Variants in GABRB3 observed in about 807,000 individuals in gnomAD.
The protein encoded by GABRB3 is gamma-aminobutyric acid receptor subunit beta-3.
GABRB3 carries 14 observed loss-of-function variants against 52.1 expected under a neutral mutation model. The ratio of observed to expected loss-of-function variants is 0.27; its 90% CI spans 0.18 to 0.42. The LOEUF is 0.42. Ranked by LOEUF, GABRB3 falls within the 10% of genes least tolerant of loss-of-function variation. GABRB3 has a pLI of 1.00. For synonymous variants in GABRB3, 260 were observed against 232.3 expected, an observed-to-expected ratio of 1.12 and a Z score of -1.08; for missense variants, 307 against 609.1, an observed-to-expected ratio of 0.50 and a Z score of 5.22.
chr15:26,750,472 A>G (rs1452218715), intron 3 of GABRB3, among the ~76,000 whole-genome samples: 1 of 152,192 alleles, frequency 6.6e-6, no homozygotes, highest in African/African-American at 2.4e-5. Flanking sequence ...GAAAGCATAA[A>G]TTATGCTTTA....
intron 3 of GABRB3, among the ~76,000 whole-genome samples, chr15:26,711,580 G>A (rs773285652): frequency 6.6e-6 from 1 of 151,902 alleles, no homozygotes; most frequent in Admixed American, 6.6e-5. Flanking sequence ...TACCTCCCCC[G>A]CCCCAGGCTC....
chr15:26,772,391 C>G lies in GABRB3; in HGVS notation c.240+11G>C. The G allele has an allele frequency of 3.1e-6, 5 of 1,605,034 alleles. No individual in the cohort carries two copies. Among genetic ancestry groups the G allele is most frequent in the Non-Finnish European group, 4.3e-6 (5 of 1,175,594 alleles). On this transcript the variant is annotated intron_variant, in intron 3 of 8. Coordinates refer to ENST00000311550, the MANE Select transcript of GABRB3 (RefSeq NM_000814.6). ...GGGCTCAGGGACCGCCCTGGGAGGGCGGGCACTCACCATGTTGACTTCGGA... is the reference window on the plus strand; with the variant it reads ...GGGCTCAGGGACCGCCCTGGGAGGGGGGGCACTCACCATGTTGACTTCGGA...
chr15:26,695,168 C>G (rs1888698890), intron 3 of GABRB3, among the ~76,000 whole-genome samples: 1 of 151,970 alleles, frequency 6.6e-6, no homozygotes, highest in South Asian at 2.1e-4. Context: ...AAATTAATGA[C>G]AGACTAAATA....
chr15:26,740,196 G>A (rs1035488337), intron 3 of GABRB3, among the ~76,000 whole-genome samples: 4 of 152,110 alleles, frequency 2.6e-5, no homozygotes, highest in African/African-American at 4.8e-5. Flanking sequence ...GCAGGTAGGG[G>A]AGCTAGGCTG....
chr15:26,677,826 T>C (rs1249902892), intron 3 of GABRB3, among the ~76,000 whole-genome samples: 1 of 152,176 alleles, frequency 6.6e-6, no homozygotes, highest in Non-Finnish European at 1.5e-5. Context: ...CCATAAGAAT[T>C]TGTAAATCAG....
In GABRB3 at chr15:26,545,689, G is replaced by A. The variant is rs992988226; in HGVS notation, c.*2104C>T. On this transcript the variant is annotated 3_prime_UTR_variant, in exon 9 of 9. Coordinates refer to ENST00000311550, the MANE Select transcript of GABRB3 (RefSeq NM_000814.6). ...TTCTTTAACATGATAATAATGATAA[G>A]GCCACTTAACAAGGTTTTTCCCAAT... 6.6e-6 allele frequency: 1 copy of A among 152,314 alleles called. No individual in the cohort carries two copies. Among genetic ancestry groups the A allele is most frequent in the Non-Finnish European group, 1.5e-5 (1 of 68,018 alleles). The allele number at this position is 152,314 out of a possible 1,614,324, so 9.4% of individuals were successfully genotyped here. A position where few individuals can be genotyped will look rare whatever the true frequency, so the allele number is the denominator to read the frequency against.
At chr15:26,674,436 G>A (rs1442791713) in intron 3 of GABRB3, among the ~76,000 whole-genome samples, 5 of 112,670 alleles carry the variant, frequency 4.4e-5, no homozygotes, top group South Asian at 3.1e-4. Flanking sequence ...AGAAAAGAAA[G>A]GAAAGGAAAG....
chr15:26,585,776 C>A (rs568743688), intron 4 of GABRB3, among the ~76,000 whole-genome samples: 5 of 152,282 alleles, frequency 3.3e-5, no homozygotes, highest in South Asian at 4.1e-4. Flanking sequence ...ACACATAGCT[C>A]TTTGGCATAT....
intron 3 of GABRB3, among the ~76,000 whole-genome samples, chr15:26,726,372 A>G (rs1259594599): frequency 6.6e-6 from 1 of 152,234 alleles, no homozygotes; most frequent in African/African-American, 2.4e-5. Flanking sequence ...CAAAACCAGG[A>G]CATCAACAAT....
rs1239739749 is a variant in GABRB3, at chr15:26,554,033, ATATTTATT to A, written c.1081-5907_1081-5900del. Among the ~76,000 whole-genome samples, 10 of 75,842 alleles carry A rather than the reference ATATTTATT, an allele frequency of 1.3e-4. 3 individuals are homozygous for A. Among genetic ancestry groups the A allele is most frequent in the African/African-American group, 4.2e-4 (7 of 16,512 alleles). The allele number at this position is 75,842 out of a possible 152,430, so 49.8% of individuals were successfully genotyped here. Reference sequence around the variant, plus strand: ...GACACCTGACTATTTATATATATATATATTTATTTATTTATATTTATTTATATATAAAG... The same window carrying A: ...GACACCTGACTATTTATATATATATATATTTATATTTATTTATATATAAAG... On this transcript the variant is annotated intron_variant, in intron 8 of 8. Coordinates refer to ENST00000311550, the MANE Select transcript of GABRB3 (RefSeq NM_000814.6).
intron 3 of GABRB3, among the ~76,000 whole-genome samples, chr15:26,729,169 C>T (rs1176222818): frequency 3.3e-5 from 5 of 151,978 alleles, no homozygotes; most frequent in African/African-American, 1.2e-4. Flanking sequence ...GGGCAAGGGG[C>T]CGGGGGCCTC....
intron 3 of GABRB3, among the ~76,000 whole-genome samples, chr15:26,768,564 T>C (rs1383017375): frequency 6.6e-6 from 1 of 152,000 alleles, no homozygotes; most frequent in East Asian, 1.9e-4. Flanking sequence ...TCAACACATT[T>C]ATTGTTCCCT....
chr15:26,717,154 C>T lies in GABRB3; in HGVS notation c.240+55248G>A, dbSNP rs571647640. Among the ~76,000 whole-genome samples, 501 of 149,106 alleles carry T rather than the reference C, an allele frequency of 3.4e-3. 13 individuals carry two copies. The highest frequency in any genetic ancestry group is 7.3e-3 in the Admixed American group (109 of 14,988). On this transcript the variant is annotated intron_variant, in intron 3 of 8. Transcript: ENST00000311550. Reference sequence around the variant, plus strand: ...ACAGCCCAGCTCTGAGGACCTCCACCCAATGACAGCCCAGCTCTGGGGACC... The same window carrying T: ...ACAGCCCAGCTCTGAGGACCTCCACTCAATGACAGCCCAGCTCTGGGGACC...
Position 26,676,263 on chromosome 15 carries a change from A to C in GABRB3, c.241-54729T>G, listed in dbSNP as rs140837956. Among the ~76,000 whole-genome samples, 95 of 152,320 alleles carry C rather than the reference A, an allele frequency of 6.2e-4. No homozygotes were observed. In the East Asian group the frequency reaches 0.018, roughly 28 times the overall value. On this transcript the variant is annotated intron_variant, in intron 3 of 8. Transcript: ENST00000311550. ...CACTTGATTAAGTTACACAAAATCAAATATCTGCGGCTCCCCCCAGGGTTT... is the reference window on the plus strand; with the variant it reads ...CACTTGATTAAGTTACACAAAATCACATATCTGCGGCTCCCCCCAGGGTTT...
At chr15:26,765,721 A>G (rs1890979422) in intron 3 of GABRB3, among the ~76,000 whole-genome samples, 1 of 152,236 alleles carries the variant, frequency 6.6e-6, no homozygotes, top group South Asian at 2.1e-4. Flanking sequence ...AAGAAAGACT[A>G]AGCAAACAAC....
At chr15:26,551,418 A>G (rs532105439) in intron 8 of GABRB3, among the ~76,000 whole-genome samples, 3 of 152,348 alleles carry the variant, frequency 2.0e-5, no homozygotes, top group East Asian at 1.9e-4. Flanking sequence ...TCCCTCGGCC[A>G]CTGCAACATA....
At chr15:26,612,655 T>C (rs919333154) in intron 4 of GABRB3, 7 of 152,210 alleles carry the variant, frequency 4.6e-5, no homozygotes, top group African/African-American at 1.7e-4. Context: ...GCAAGAAACA[T>C]TGAATATAGT....
chr15:26,546,761 T>C lies in GABRB3; in HGVS notation c.*1032A>G, dbSNP rs1364272497. 6.6e-6 allele frequency: 1 copy of C among 152,120 alleles called. No individual in the cohort carries two copies. The highest frequency in any genetic ancestry group is 1.5e-5 in the Non-Finnish European group (1 of 68,016). 9.4% of individuals were successfully genotyped at this position (152,120 alleles called of 1,614,324 possible). Reference sequence around the variant, plus strand: ...GTAAGAAACAAAATCTTGGTAAATATACATATATATGCATATTATGCAAAT... The same window carrying C: ...GTAAGAAACAAAATCTTGGTAAATACACATATATATGCATATTATGCAAAT... On this transcript the variant is annotated 3_prime_UTR_variant, in exon 9 of 9. Coordinates refer to ENST00000311550, the MANE Select transcript of GABRB3 (RefSeq NM_000814.6).
chr15:26,770,241 C>T (rs770795102), intron 3 of GABRB3, among the ~76,000 whole-genome samples: 1 of 152,172 alleles, frequency 6.6e-6, no homozygotes, highest in Non-Finnish European at 1.5e-5. Context: ...CCTTCAGTCT[C>T]CAATCCTACT....
Sources: allele counts gnomAD v4.1 joint callset (sites outside exome capture counted in the v4.1 genomes callset), GRCh38; gene constraint gnomAD v4.1.1; transcripts MANE v1.5; gene names NCBI Gene and HGNC (gene_info 2026-07-23, HGNC 2026-07-21).